RNF44: variants seen among roughly 807,000 people sequenced by gnomAD.
RNF44 encodes ring finger protein 44.
Under a neutral mutation model 53.6 loss-of-function variants are expected in RNF44, and 25 were observed. The observed-to-expected ratio is 0.47, with a 90% CI of 0.34 to 0.65. RNF44 has a LOEUF of 0.65. Among genes scored for constraint, RNF44 ranks in the 30% least tolerant of loss-of-function variants. The probability of loss-of-function intolerance (pLI) is 0.01; values close to 1 mark genes in which losing one functional copy is unlikely to be tolerated. For missense variants in RNF44, 581 were observed against 595.5 expected (o/e 0.98, Z 0.25); for synonymous variants, 282 against 252.2 (o/e 1.12, Z -1.12).
rs751977749 is a variant in RNF44, at chr5:176,530,133, G to A, written c.875C>T (p.Pro292Leu). The change falls in exon 7 of 11, where the codon CCC (proline) becomes CTC (leucine). Residue 292 changes from proline to leucine, a missense_variant. Physicochemically the swap from Pro to Leu is moderately conservative, Grantham distance 98. Transcript: ENST00000274811. Reference sequence around the variant, plus strand: ...GTAGGGTGGTGGGGGTGGGGGTGGGGGCGGCGGGGGCAGTGGCTGCTGCAG... The same window carrying A: ...GTAGGGTGGTGGGGGTGGGGGTGGGAGCGGCGGGGGCAGTGGCTGCTGCAG... ...YRLQQPLPPP[P>L]PPPPPPPYYP... The A allele has an allele frequency of 1.5e-5, 11 of 738,264 alleles. No individual in the cohort carries two copies. The highest frequency in any genetic ancestry group is 1.9e-5 in the Non-Finnish European group (11 of 566,040). The allele number at this position is 738,264 out of a possible 1,614,324, so 45.7% of individuals were successfully genotyped here. A position where few individuals can be genotyped will look rare whatever the true frequency, so the allele number is the denominator to read the frequency against.
intron 1 of RNF44, among the ~76,000 whole-genome samples, chr5:176,536,505 C>A (rs991172239): frequency 3.3e-5 from 5 of 152,168 alleles, no homozygotes; most frequent in Non-Finnish European, 7.3e-5. Context: ...GGCCGAGGCG[C>A]GGACACAGCC....
In RNF44 at chr5:176,529,041, C is replaced by CT; in HGVS notation, c.1285dup (p.Arg429LysfsTer4). 3 of 1,612,686 alleles carry CT rather than the reference C, an allele frequency of 1.9e-6. No homozygotes were observed. The highest frequency in any genetic ancestry group is 2.5e-6 in the Non-Finnish European group (3 of 1,179,904). On this transcript the variant is annotated frameshift_variant, in exon 11 of 11. Transcript: ENST00000274811. LOFTEE classifies it high-confidence loss of function. ...GGCTGCGTGGCCTCACTCAGCCTCC[C>CT]TGGGCACCTCGGAGGCGTCGGCCCG... is the stretch of plus-strand genomic sequence containing the variant.
At chr5:176,529,169 G>T in intron 10 of RNF44, 79 bp from the exon 11 acceptor site, 1 of 1,577,270 alleles carries the variant, frequency 6.3e-7, no homozygotes, top group Non-Finnish European at 8.7e-7. Context: ...GGGGGACTTG[G>T]TCCGCTGGAG....
chr5:176,530,269 A>G (rs1561844806), intron 6 of RNF44, 63 bp from the exon 7 acceptor site: 1 of 498,832 alleles, frequency 2.0e-6, no homozygotes. Context: ...CCCGGAGCCC[A>G]GGTGCAAGTC....
rs772943234 is a variant in RNF44 at position 176,531,674 on chromosome 5, A to C, written c.298-44T>G. ...CCGGGAAAGTATGAAAAGGAAGCTG[A>C]CCGCGAGGGCTACTCTCAGGAGAAA... On this transcript the variant is annotated intron_variant, in intron 3 of 10. Coordinates refer to ENST00000274811, the MANE Select transcript of RNF44 (RefSeq NM_014901.5). This position sits in a 1 kb window ranked among gnomAD's most constrained non-coding sequence, Gnocchi z 4.2. 2 of 1,556,190 alleles carry C rather than the reference A, an allele frequency of 1.3e-6. No individual in the cohort carries two copies. The highest frequency in any genetic ancestry group is 2.7e-5 in the African/African-American group (2 of 73,608).
upstream of RNF44, among the ~76,000 whole-genome samples, chr5:176,539,284 G>C (rs139980973): frequency 2.6e-3 from 403 of 152,372 alleles, 3 homozygotes; most frequent in African/African-American, 9.4e-3. Flanking sequence ...ATGAGAATAA[G>C]TGTGGCTATA....
At chr5:176,541,928 G>A (rs1050930012), upstream of RNF44, among the ~76,000 whole-genome samples, 7 of 152,176 alleles carry the variant, frequency 4.6e-5, no homozygotes, top group African/African-American at 1.7e-4. Context: ...GCAGGGCCCA[G>A]AGCCTCACAC....
chr5:176,533,586 G>C (rs1561852365), intron 1 of RNF44, among the ~76,000 whole-genome samples: 1 of 152,214 alleles, frequency 6.6e-6, no homozygotes, highest in Non-Finnish European at 1.5e-5. Flanking sequence ...ATGCAGCCAG[G>C]CCCTTGCTCT....
intron 1 of RNF44, chr5:176,535,974 G>A (rs984154792): frequency 4.6e-5 from 7 of 152,102 alleles, no homozygotes; most frequent in Admixed American, 6.5e-5. Context: ...AACCCCTTAA[G>A]TCCAGTGCCC....
rs1436148574 is a variant in RNF44 at position 176,529,725 on chromosome 5, T to A, written c.1014+6A>T. On this transcript the variant is annotated splice_donor_region_variant and intron_variant, in intron 8 of 10. Transcript: ENST00000274811. Reference sequence around the variant, plus strand: ...CCCCACCTCCCAGCATGGGGCTCCATGGGACCTCATAGTTCTCCATCTCCA... The same window carrying A: ...CCCCACCTCCCAGCATGGGGCTCCAAGGGACCTCATAGTTCTCCATCTCCA... 7 of 1,611,598 alleles carry A rather than the reference T, an allele frequency of 4.3e-6. No individual in the cohort carries two copies. Among genetic ancestry groups the A allele is most frequent in the Middle Eastern group, 1.6e-4 (1 of 6,072 alleles).
upstream of RNF44, among the ~76,000 whole-genome samples, chr5:176,540,953 C>CACT (rs2113224532): frequency 6.6e-6 from 1 of 152,326 alleles, no homozygotes; most frequent in South Asian, 2.1e-4. Flanking sequence ...TCCTCAGGGT[C>CACT]ACTGATGGAT....
intron 1 of RNF44, 96 bp from the exon 2 acceptor site, chr5:176,532,612 G>A (rs1225188275): frequency 3.7e-6 from 4 of 1,090,260 alleles, no homozygotes; most frequent in Middle Eastern, 2.9e-4. Context: ...GCATGGTGGT[G>A]GACACCTGTA....
At chr5:176,535,636 T>C (rs1291182638) in intron 1 of RNF44, among the ~76,000 whole-genome samples, 2 of 152,226 alleles carry the variant, frequency 1.3e-5, no homozygotes, top group Non-Finnish European at 2.9e-5. Flanking sequence ...CATCAGTAGC[T>C]GGAGGAAATC....
the RNF44 span, among the ~76,000 whole-genome samples, chr5:176,543,372 C>A: frequency 2.0e-5 from 3 of 149,654 alleles, no homozygotes; most frequent in African/African-American, 7.3e-5. The surrounding 1 kb of genome is among the most constrained non-coding windows in gnomAD (Gnocchi z 4.0). Context: ...CGGCCCCTCT[C>A]CGGCCCGGTG....
In RNF44 at chr5:176,530,615, G is replaced by A. The variant is rs562258024; in HGVS notation, c.768C>T (p.His256=). Residue 256 remains histidine (H), a synonymous_variant, in exon 6 of 11, where the codon CAC becomes CAT. Coordinates refer to ENST00000274811, the MANE Select transcript of RNF44 (RefSeq NM_014901.5). ...SPSVPLHYLP[H]DPLHQELSFG... Reference sequence around the variant, plus strand: ...AGGACAGCTCCTGGTGCAGCGGATCGTGGGGCAGGTAGTGCAGGGGCACCG... The same window carrying A: ...AGGACAGCTCCTGGTGCAGCGGATCATGGGGCAGGTAGTGCAGGGGCACCG... 1.2e-4 allele frequency: 173 copies of A among 1,498,344 alleles called. No homozygotes were observed. The South Asian group carries it at 1.8e-3, about 16-fold the overall frequency. 92.8% of individuals were successfully genotyped at this position (1,498,344 alleles called of 1,614,324 possible).
intron 7 of RNF44, 118 bp from the exon 8 acceptor site, chr5:176,529,936 C>T: frequency 7.2e-7 from 1 of 1,390,762 alleles, no homozygotes; most frequent in South Asian, 1.5e-5. Context: ...GGAAGGGAGC[C>T]CAGCTGGCGT....
intron 1 of RNF44, among the ~76,000 whole-genome samples, chr5:176,534,974 G>A (rs185330192): frequency 6.6e-6 from 1 of 152,346 alleles, no homozygotes; most frequent in Non-Finnish European, 1.5e-5. Flanking sequence ...TCCTGCAGAG[G>A]CCCAGGCCTG....
intron 2 of RNF44, 36 bp downstream of exon 2, chr5:176,532,330 A>C: frequency 6.3e-7 from 1 of 1,575,400 alleles, no homozygotes; most frequent in Non-Finnish European, 8.6e-7. Context: ...GCTGGCCCCC[A>C]TGCCCCAGCA....
rs11743311 is a variant in RNF44, at chr5:176,537,216, G to A, written c.-321C>T. 1.3e-5 allele frequency: 2 copies of A among 152,366 alleles called. No homozygotes were observed. Among genetic ancestry groups the A allele is most frequent in the Admixed American group, 6.5e-5 (1 of 15,296 alleles). 9.4% of individuals were successfully genotyped at this position (152,366 alleles called of 1,614,324 possible). On this transcript the variant is annotated 5_prime_UTR_variant, in exon 1 of 11. Transcript: ENST00000274811. ...CCCTCAGGGAGCGGGAGGCGGCGCA[G>A]GACGCAGCTGGGTCTGCGCGGCAGC...
Sources: allele counts gnomAD v4.1 joint callset (sites outside exome capture counted in the v4.1 genomes callset), GRCh38; gene constraint gnomAD v4.1.1; non-coding constraint Gnocchi (gnomAD v3.1); transcripts MANE v1.5; gene names NCBI Gene and HGNC (gene_info 2026-07-23, HGNC 2026-07-21).